Variants in PCDHGA6 observed in about 807,000 individuals in gnomAD.
PCDHGA6 encodes the protein protocadherin gamma subfamily A, 6, also known as protocadherin gamma-A6.
In PCDHGA6, 41 loss-of-function variants were observed where a neutral mutation model predicts 60.6. The ratio of observed to expected loss-of-function variants is 0.68; its 90% CI spans 0.53 to 0.88. The LOEUF is 0.88. Ranked by LOEUF, PCDHGA6 falls within the 40% of genes least tolerant of loss-of-function variation. The pLI is 0.00. For synonymous variants in PCDHGA6, 594 were observed against 524.4 expected (o/e 1.13, Z -1.81); for missense variants, 1,312 against 1,203.0 (o/e 1.09, Z -1.34).
intron 1 of PCDHGA6, chr5:141,417,573 C>A: frequency 2.7e-6 from 1 of 377,070 alleles, no homozygotes; most frequent in Non-Finnish European, 4.7e-6. Flanking sequence ...AGTCAAGTTG[C>A]AGTCCCACAC....
intron 3 of PCDHGA6, among the ~76,000 whole-genome samples, chr5:141,505,969 A>G (rs1454691041): frequency 1.3e-5 from 2 of 152,142 alleles, no homozygotes; most frequent in Non-Finnish European, 2.9e-5. Context: ...AGAAATCCCC[A>G]GCCGAGAGAA....
At chr5:141,509,335 G>T (rs113423267) in intron 3 of PCDHGA6, among the ~76,000 whole-genome samples, 106 of 152,262 alleles carry the variant, frequency 7.0e-4, no homozygotes, top group African/African-American at 2.4e-3. Context: ...CTGCCAGCTG[G>T]GCCTGGGCTG....
chr5:141,423,169 C>T (rs747206648), intron 1 of PCDHGA6: 4 of 1,613,460 alleles, frequency 2.5e-6, no homozygotes, highest in Admixed American at 3.3e-5. Flanking sequence ...GGTGGCCGTC[C>T]AGGACCACGG....
At chr5:141,406,574 C>A (rs941574087) in intron 1 of PCDHGA6, among the ~76,000 whole-genome samples, 1 of 152,164 alleles carries the variant, frequency 6.6e-6, no homozygotes, top group African/African-American at 2.4e-5. Context: ...CCCTAGTAAA[C>A]CAATTTTTTC....
intron 1 of PCDHGA6, among the ~76,000 whole-genome samples, chr5:141,401,937 T>A (rs531669581): frequency 2.6e-5 from 4 of 152,356 alleles, no homozygotes; most frequent in African/African-American, 7.2e-5. Flanking sequence ...TAGAATAATG[T>A]TTAAGACCAC....
chr5:141,418,348 T>G (rs2096249125), intron 1 of PCDHGA6: 1 of 1,613,982 alleles, frequency 6.2e-7, no homozygotes, highest in African/African-American at 1.3e-5. Flanking sequence ...CTGATATTAG[T>G]ATGAATTCGC....
chr5:141,438,623 TATATATATATATACAC>T (rs1207200307), intron 1 of PCDHGA6, among the ~76,000 whole-genome samples: 21 of 42,842 alleles, frequency 4.9e-4, no homozygotes, highest in South Asian at 2.6e-3. Flanking sequence ...TATATATATA[TATATATATATATACAC>T]ACACACACAC....
chr5:141,420,147 C>T lies in PCDHGA6; in HGVS notation c.2424+43640C>T, dbSNP rs1480828845. On this transcript the variant is annotated intron_variant, in intron 1 of 3. Transcript: ENST00000517434. Reference sequence around the variant, plus strand: ...TGTGTGCCTGGGGATCAAATGAATCCAGAATTTAATTTTTTCACATCTGTT... The same window carrying T: ...TGTGTGCCTGGGGATCAAATGAATCTAGAATTTAATTTTTTCACATCTGTT... The T allele has an allele frequency of 2.5e-6, 4 of 1,613,848 alleles. No individual in the cohort carries two copies. The East Asian group carries it at 8.9e-5, about 36-fold the overall frequency.
intron 1 of PCDHGA6, chr5:141,389,289 A>G (rs1384091312): frequency 1.2e-6 from 2 of 1,613,966 alleles, no homozygotes; most frequent in African/African-American, 1.3e-5. Context: ...TGGAGCCTCT[A>G]TTTCACAAGT....
chr5:141,472,533 C>A (rs1200612581), intron 1 of PCDHGA6, among the ~76,000 whole-genome samples: 3 of 150,970 alleles, frequency 2.0e-5, no homozygotes, highest in African/African-American at 7.3e-5. Flanking sequence ...GAGTGAGACA[C>A]CATCTCAAGA....
intron 1 of PCDHGA6, chr5:141,414,643 C>G (rs765652709): frequency 1.2e-6 from 2 of 1,613,942 alleles, no homozygotes; most frequent in Non-Finnish European, 8.5e-7. Flanking sequence ...AGAGAATGCC[C>G]AGATTATTTA....
chr5:141,399,001 T>G, intron 1 of PCDHGA6: 1 of 1,613,890 alleles, frequency 6.2e-7, no homozygotes, highest in Non-Finnish European at 8.5e-7. Context: ...TAGTCTGAAT[T>G]CAAAGAGCGG....
At chr5:141,466,938 G>C (rs985959499) in intron 1 of PCDHGA6, among the ~76,000 whole-genome samples, 1 of 151,854 alleles carries the variant, frequency 6.6e-6, no homozygotes, top group Non-Finnish European at 1.5e-5. Context: ...TTAGTCCTTT[G>C]TCCAGTAAAC....
At chr5:141,395,259 C>CT in intron 1 of PCDHGA6, 1 of 1,551,968 alleles carries the variant, frequency 6.4e-7, no homozygotes, top group Non-Finnish European at 8.7e-7. Flanking sequence ...TCTTTGCTTG[C>CT]TTTTAATTTC....
rs2099634686 is a variant in PCDHGA6 at position 141,486,772 on chromosome 5, T to G, written c.2425-8035T>G. 1 of 1,614,246 alleles carries G rather than the reference T, an allele frequency of 6.2e-7. No individual in the cohort carries two copies. The highest frequency in any genetic ancestry group is 8.5e-7 in the Non-Finnish European group (1 of 1,180,042). Reference sequence around the variant, plus strand: ...ATGAGCAAACCCAGACACTGCAGTTTGAGGTGCAGGCCCGGGATCGGGGCA... The same window carrying G: ...ATGAGCAAACCCAGACACTGCAGTTGGAGGTGCAGGCCCGGGATCGGGGCA... On this transcript the variant is annotated intron_variant, in intron 1 of 3. Coordinates refer to ENST00000517434, the MANE Select transcript of PCDHGA6 (RefSeq NM_018919.3). This position sits in a 1 kb window ranked among gnomAD's most constrained non-coding sequence, Gnocchi z 5.0.
rs758013542 is a variant in PCDHGA6 at position 141,418,314 on chromosome 5, C to A, written c.2424+41807C>A. 9 of 1,613,988 alleles carry A rather than the reference C, an allele frequency of 5.6e-6. No homozygotes were observed. In the East Asian group the frequency reaches 1.3e-4, roughly 24 times the overall value. On this transcript the variant is annotated intron_variant, in intron 1 of 3. Coordinates refer to ENST00000517434, the MANE Select transcript of PCDHGA6 (RefSeq NM_018919.3). ...GAATCCGTCAGCCTGGGGATGGGAACAATTCTTGAGTCTGCAGAAGATCCT... is the reference window on the plus strand; with the variant it reads ...GAATCCGTCAGCCTGGGGATGGGAAAAATTCTTGAGTCTGCAGAAGATCCT...
At chr5:141,380,830 A>T (rs1205839306) in intron 1 of PCDHGA6, among the ~76,000 whole-genome samples, 1 of 152,264 alleles carries the variant, frequency 6.6e-6, no homozygotes, top group Non-Finnish European at 1.5e-5. Flanking sequence ...ATTTTGAGGC[A>T]TCAGGTAAAA....
At chr5:141,388,794 A>G (rs879026266) in intron 1 of PCDHGA6, 1 of 1,613,898 alleles carries the variant, frequency 6.2e-7, no homozygotes, top group Non-Finnish European at 8.5e-7. Context: ...TGTTTTAAAT[A>G]CATTAGATTT....
chr5:141,430,855 C>T, intron 1 of PCDHGA6: 7 of 1,588,596 alleles, frequency 4.4e-6, no homozygotes, highest in Non-Finnish European at 6.0e-6. Context: ...CCCAGATACG[C>T]TATTCAGTTC....
Sources: gnomAD v4.1 joint callset for allele counts (sites outside exome capture counted in the v4.1 genomes callset) on GRCh38, gnomAD v4.1.1 for gene constraint, Gnocchi (gnomAD v3.1) non-coding constraint, MANE v1.5 for transcripts, NCBI Gene and HGNC (gene_info 2026-07-23, HGNC 2026-07-21) for gene names.